Variants in CACNA1B observed in about 807,000 individuals in gnomAD.
CACNA1B encodes the protein calcium voltage-gated channel subunit alpha1 B.
Under a neutral mutation model 247.2 loss-of-function variants are expected in CACNA1B, and 70 were observed. The observed-to-expected ratio is 0.28, with a 90% CI of 0.23 to 0.35. The LOEUF is 0.35. Ranked by LOEUF, CACNA1B falls within the 10% of genes least tolerant of loss-of-function variation. CACNA1B has a pLI of 1.00. For missense variants in CACNA1B, 2,367 were observed against 3,197.4 expected (o/e 0.74, Z 6.26); for synonymous variants, 1,231 against 1,294.4 (o/e 0.95, Z 1.05).
rs1378669557 is a variant in CACNA1B at position 138,100,506 on chromosome 9, C to G, written c.5223-2205C>G. Among the ~76,000 whole-genome samples the G allele has an allele frequency of 6.6e-6, 1 of 152,140 alleles. No individual in the cohort carries two copies. Among genetic ancestry groups the G allele is most frequent in the Non-Finnish European group, 1.5e-5 (1 of 68,036 alleles). Reference sequence around the variant, plus strand: ...TTTGGTGAGGCCGAGGTGGGGCTTCCTGTTTCTTCCCTTTTACAGAAGGAA... The same window carrying G: ...TTTGGTGAGGCCGAGGTGGGGCTTCGTGTTTCTTCCCTTTTACAGAAGGAA... On this transcript the variant is annotated intron_variant, in intron 37 of 46. Coordinates refer to ENST00000371372, the MANE Select transcript of CACNA1B (RefSeq NM_000718.4). This position sits in a 1 kb window ranked among gnomAD's most constrained non-coding sequence, Gnocchi z 4.6.
intron 15 of CACNA1B, among the ~76,000 whole-genome samples, chr9:137,992,853 A>C (rs770437727): frequency 5.9e-5 from 9 of 152,188 alleles, no homozygotes; most frequent in Admixed American, 1.3e-4. Context: ...CGATAGTGGA[A>C]TAAAATTGGA....
intron 36 of CACNA1B, among the ~76,000 whole-genome samples, chr9:138,086,681 A>T (rs1440022604): frequency 6.6e-6 from 1 of 151,416 alleles, no homozygotes; most frequent in African/African-American, 2.4e-5. Flanking sequence ...TAGATCCAAA[A>T]AGAGAGATAG....
At chr9:138,039,197 AAAAAAAT>A (rs1290984654) in intron 20 of CACNA1B, among the ~76,000 whole-genome samples, 1 of 151,886 alleles carries the variant, frequency 6.6e-6, no homozygotes, top group Admixed American at 6.6e-5. Flanking sequence ...CTCCGTCTCA[AAAAAAAT>A]AAAAAATAAA....
chr9:138,000,309 A>G lies in CACNA1B; in HGVS notation c.1975-6458A>G, dbSNP rs188101228. The stretch of plus-strand genomic sequence containing the variant: ...GAGACAGGGTTTCACCGTGTTAGCC[A>G]GGATGGTCTCGATCTCCTGACCTCG... On this transcript the variant is annotated intron_variant, in intron 15 of 46. Transcript: ENST00000371372. 3.5e-3 allele frequency among the ~76,000 whole-genome samples: 537 copies of G among 152,210 alleles called. 5 individuals are homozygous for G. The highest frequency in any genetic ancestry group is 0.024 in the East Asian group (123 of 5,158).
rs117384739 is a variant in CACNA1B at position 138,081,880 on chromosome 9, C to T, written c.5094+3622C>T. Among the ~76,000 whole-genome samples, 1,290 of 151,094 alleles carry T rather than the reference C, an allele frequency of 8.5e-3. 28 individuals carry two copies. The highest frequency in any genetic ancestry group is 0.015 in the Non-Finnish European group (1,013 of 68,012). On this transcript the variant is annotated intron_variant, in intron 36 of 46. Transcript: ENST00000371372. The stretch of plus-strand genomic sequence containing the variant: ...AGATTGAATCAGTAATCGAAAACTT[C>T]CCAATAAAGAGAAGCCCAAAACCAT...
chr9:138,005,959 C>T (rs7034633), intron 15 of CACNA1B, among the ~76,000 whole-genome samples: 38,521 of 148,908 alleles, frequency 0.26, 6,433 homozygotes, highest in East Asian at 0.64. Context: ...AGGAGAATGG[C>T]GTGAACCTGG....
chr9:138,026,198 G>A (rs941569179), intron 20 of CACNA1B, among the ~76,000 whole-genome samples: 3 of 152,206 alleles, frequency 2.0e-5, no homozygotes, highest in South Asian at 2.1e-4. Flanking sequence ...ACAATTCCAG[G>A]TATAACCATG....
chr9:138,101,293 C>T, intron 37 of CACNA1B: 1 of 466,174 alleles, frequency 2.1e-6, no homozygotes, highest in Non-Finnish European at 4.4e-6. Context: ...GACGACGCCT[C>T]ACCTTTCTTT....
rs555655852 is a variant in CACNA1B, at chr9:138,100,560, C to T, written c.5223-2151C>T. The stretch of plus-strand genomic sequence containing the variant: ...CAACATGATTTGGAGCTGATTGGAC[C>T]GAGGGGGCTACACTGTAGGAGAGAG... On this transcript the variant is annotated intron_variant, in intron 37 of 46. Coordinates refer to ENST00000371372, the MANE Select transcript of CACNA1B (RefSeq NM_000718.4). This position sits in a 1 kb window ranked among gnomAD's most constrained non-coding sequence, Gnocchi z 4.6. Among the ~76,000 whole-genome samples the T allele has an allele frequency of 6.6e-4, 100 of 152,056 alleles. 1 individual carries two copies. Among genetic ancestry groups the T allele is most frequent in the Non-Finnish European group, 1.2e-3 (84 of 68,004 alleles).
intron 10 of CACNA1B, among the ~76,000 whole-genome samples, chr9:137,961,828 T>A (rs930714377): frequency 1.2e-4 from 19 of 152,350 alleles, no homozygotes; most frequent in Admixed American, 6.5e-5. Context: ...TCTAGGATAT[T>A]GGCCTGAAGT....
rs752912258 is a variant in CACNA1B at position 138,094,457 on chromosome 9, A to AAAAAAAAAAAAAAAAAGAAG, written c.5095-2025_5095-2024insAAAAAAAAAAAAAAGAAGAA. ...TTTACTACAGTAAAAAAAAAAAAAAAAAGAAGAAGAAGAAGAAAGTGAACA... is the reference window on the plus strand; with the variant it reads ...TTTACTACAGTAAAAAAAAAAAAAAAAAAAAAAAAAAAAAAAGAAGAAGAAGAAGAAGAAGAAAGTGAACA... On this transcript the variant is annotated intron_variant, in intron 36 of 46. Coordinates refer to ENST00000371372, the MANE Select transcript of CACNA1B (RefSeq NM_000718.4). Among the ~76,000 whole-genome samples, 86 of 134,760 alleles carry AAAAAAAAAAAAAAAAAGAAG rather than the reference A, an allele frequency of 6.4e-4. 2 individuals carry two copies. Among genetic ancestry groups the AAAAAAAAAAAAAAAAAGAAG allele is most frequent in the African/African-American group, 2.0e-3 (76 of 37,150 alleles). 88.4% of individuals were successfully genotyped at this position (134,760 alleles called of 152,430 possible).
rs1957099600 is a variant in CACNA1B at position 137,891,549 on chromosome 9, G to A, written c.530+8666G>A. The A allele has an allele frequency of 5.4e-6, 1 of 185,704 alleles. No homozygotes were observed. Among genetic ancestry groups the A allele is most frequent in the Admixed American group, 5.7e-5 (1 of 17,630 alleles). 11.5% of individuals were successfully genotyped at this position (185,704 alleles called of 1,614,324 possible). ...CAGATGCACCCACAGAGGTCACAGGGGTTCAAGTTCATACCCCGGGAGGGT... is the reference window on the plus strand; with the variant it reads ...CAGATGCACCCACAGAGGTCACAGGAGTTCAAGTTCATACCCCGGGAGGGT... On this transcript the variant is annotated intron_variant, in intron 3 of 46. Transcript: ENST00000371372. This position sits in a 1 kb window ranked among gnomAD's most constrained non-coding sequence, Gnocchi z 4.3.
chr9:138,070,246 G>A (rs1218144038), intron 32 of CACNA1B, among the ~76,000 whole-genome samples: 1 of 152,180 alleles, frequency 6.6e-6, no homozygotes, highest in African/African-American at 2.4e-5. Flanking sequence ...TGTAGCTTCC[G>A]TCCTTCCTGG....
intron 3 of CACNA1B, among the ~76,000 whole-genome samples, chr9:137,901,992 A>C (rs1024678199): frequency 1.3e-5 from 2 of 152,156 alleles, no homozygotes; most frequent in African/African-American, 4.8e-5. Context: ...CATCTGGCCT[A>C]AATCATTAGT....
chr9:138,043,942 C>A (rs1959164731), intron 21 of CACNA1B, 42 bp downstream of exon 21: 11 of 1,602,656 alleles, frequency 6.9e-6, no homozygotes, highest in Non-Finnish European at 7.7e-6. Flanking sequence ...CGCCCACTCA[C>A]CCATGCATCA....
chr9:137,979,685 CA>C (rs1326331387), intron 12 of CACNA1B, among the ~76,000 whole-genome samples: 1 of 152,162 alleles, frequency 6.6e-6, no homozygotes, highest in Non-Finnish European at 1.5e-5. Flanking sequence ...GCCAACTCCC[CA>C]AAATCTTATC....
chr9:138,063,921 G>A (rs1312521862), intron 31 of CACNA1B, among the ~76,000 whole-genome samples: 1 of 152,224 alleles, frequency 6.6e-6, no homozygotes, highest in Non-Finnish European at 1.5e-5. Flanking sequence ...GGGTGTCGGT[G>A]TTGAGGACTT....
chr9:137,887,099 G>A (rs553959681), intron 3 of CACNA1B, among the ~76,000 whole-genome samples: 3 of 151,982 alleles, frequency 2.0e-5, no homozygotes, highest in East Asian at 3.9e-4. Context: ...TGGCGGTGAG[G>A]TTGGCGGAGC....
In CACNA1B at chr9:137,927,450, C is replaced by T. The variant is rs146068126; in HGVS notation, c.966+10019C>T. On this transcript the variant is annotated intron_variant, in intron 6 of 46. Transcript: ENST00000371372. Reference sequence around the variant, plus strand: ...GTTGGTCAGACTGGTCTTGAACTCCCGACCTCAGGTGATCCGCCCACCTCG... The same window carrying T: ...GTTGGTCAGACTGGTCTTGAACTCCTGACCTCAGGTGATCCGCCCACCTCG... 3.8e-3 allele frequency among the ~76,000 whole-genome samples: 576 copies of T among 152,088 alleles called. 5 individuals carry two copies. Among genetic ancestry groups the T allele is most frequent in the African/African-American group, 0.013 (550 of 41,476 alleles).
Sources: allele counts gnomAD v4.1 joint callset (sites outside exome capture counted in the v4.1 genomes callset), GRCh38; gene constraint gnomAD v4.1.1; non-coding constraint Gnocchi (gnomAD v3.1); transcripts MANE v1.5; gene names NCBI Gene and HGNC (gene_info 2026-07-23, HGNC 2026-07-21).